RELL1: variants seen among roughly 807,000 people sequenced by gnomAD.
The protein encoded by RELL1 is RELT like 1.
Under a neutral mutation model 23.0 loss-of-function variants are expected in RELL1, and 10 were observed. That is an observed-to-expected ratio of 0.43 (90% CI 0.27 to 0.74). The LOEUF (loss-of-function observed/expected upper bound fraction) is 0.74, where lower values mean the gene tolerates loss of function less well. RELL1 is among the 30% of genes least tolerant of loss of function. RELL1 has a pLI of 0.19. For synonymous variants in RELL1, 146 were observed against 146.8 expected, an observed-to-expected ratio of 0.99 and a Z score of 0.04; for missense variants, 315 against 364.4, an observed-to-expected ratio of 0.86 and a Z score of 1.10.
chr4:37,644,446 A>ATTTT (rs1429115134), intron 3 of RELL1, among the ~76,000 whole-genome samples: 1 of 144,834 alleles, frequency 6.9e-6, no homozygotes, highest in African/African-American at 2.6e-5. Context: ...ATTTTTATTT[A>ATTTT]TTTATTTATT....
intron 1 of RELL1, among the ~76,000 whole-genome samples, chr4:37,669,909 G>T (rs541465883): frequency 1.3e-5 from 2 of 151,632 alleles, no homozygotes; most frequent in South Asian, 4.2e-4. Context: ...GCGGAAGGCC[G>T]CAGGGTCCTC....
chr4:37,589,015 T>C (rs1271724098), downstream of RELL1: 15 of 734,314 alleles, frequency 2.0e-5, no homozygotes, highest in Non-Finnish European at 3.4e-5. Context: ...TGATCAACAT[T>C]GCCAACACAT....
At position 37,612,240 on chromosome 4, in the gene RELL1, C is replaced by CCAAA. The variant is rs1719416046; in HGVS notation, c.*1102_*1105dup. On this transcript the variant is annotated 3_prime_UTR_variant, in exon 7 of 7. Transcript: ENST00000454158. ...TTCTTTTGTTTTGGCCTTGGGTTGT[C>CCAAA]CAAACAAATTTGTGTGTGTGTGACT... Among the ~76,000 whole-genome samples, 1 of 145,890 alleles carries CCAAA rather than the reference C, an allele frequency of 6.9e-6. No individual in the cohort carries two copies. Among genetic ancestry groups the CCAAA allele is most frequent in the South Asian group, 2.2e-4 (1 of 4,540 alleles).
chr4:37,625,798 C>T (rs1010668576), intron 6 of RELL1, among the ~76,000 whole-genome samples: 2 of 152,080 alleles, frequency 1.3e-5, no homozygotes, highest in Non-Finnish European at 2.9e-5. Flanking sequence ...TGATGTAATA[C>T]ATATGTCAAT....
At chr4:37,587,421 AT>A (rs924858546), downstream of RELL1, among the ~76,000 whole-genome samples, 3 of 152,066 alleles carry the variant, frequency 2.0e-5, no homozygotes, top group Non-Finnish European at 4.4e-5. Context: ...TGTGGATTTT[AT>A]TTTTTTAATG....
chr4:37,602,936 G>A (rs1719053579), intron 6 of RELL1, among the ~76,000 whole-genome samples: 1 of 152,198 alleles, frequency 6.6e-6, no homozygotes, highest in African/African-American at 2.4e-5. Flanking sequence ...GCTCCCAGGT[G>A]AGAAAATGGA....
downstream of RELL1, chr4:37,588,984 G>A: frequency 2.0e-6 from 2 of 988,670 alleles, no homozygotes; most frequent in South Asian, 2.7e-5. Flanking sequence ...TGTATTCAGT[G>A]CATTTATCCA....
intron 1 of RELL1, among the ~76,000 whole-genome samples, chr4:37,651,711 T>G (rs1003786505): frequency 8.5e-5 from 13 of 152,104 alleles, no homozygotes; most frequent in Non-Finnish European, 2.9e-5. Flanking sequence ...TGGTGCGCTT[T>G]CCTCACAAAC....
In RELL1 at chr4:37,631,530, G is replaced by A; in HGVS notation, c.681-7C>T. 2 of 1,613,578 alleles carry A rather than the reference G, an allele frequency of 1.2e-6. No homozygotes were observed. The highest frequency in any genetic ancestry group is 1.7e-6 in the Non-Finnish European group (2 of 1,179,822). ...CACTTTTGTAACTCTAAATCTGAGG[G>A]GGGAATGGGGAGAGGTGATGGGGTT... is the stretch of plus-strand genomic sequence containing the variant. On this transcript the variant is annotated splice_region_variant and splice_polypyrimidine_tract_variant and intron_variant, in intron 5 of 6. Transcript: ENST00000454158.
intron 3 of RELL1, among the ~76,000 whole-genome samples, chr4:37,639,457 T>TA (rs1401222974): frequency 6.6e-6 from 1 of 150,856 alleles, no homozygotes; most frequent in Non-Finnish European, 1.5e-5. Context: ...ACGCTAACTT[T>TA]AAAAAATTAG....
At chr4:37,594,883 C>T (rs932553502) in intron 6 of RELL1, among the ~76,000 whole-genome samples, 2 of 152,178 alleles carry the variant, frequency 1.3e-5, no homozygotes, top group Non-Finnish European at 2.9e-5. Flanking sequence ...TCCTGACTTC[C>T]CTGGTTTGGT....
intron 1 of RELL1, among the ~76,000 whole-genome samples, chr4:37,680,931 C>CAAAAAAA (rs397992973): frequency 1.4e-5 from 1 of 73,642 alleles, no homozygotes; most frequent in Non-Finnish European, 2.9e-5. Context: ...CACTCCATCT[C>CAAAAAAA]AAAAAAAAAA....
rs138406061 is a variant in RELL1 at position 37,667,008 on chromosome 4, G to A, written c.89-17508C>T. Among the ~76,000 whole-genome samples, 1,160 of 152,224 alleles carry A rather than the reference G, an allele frequency of 7.6e-3. 19 individuals carry two copies. Among genetic ancestry groups the A allele is most frequent in the South Asian group, 0.026 (126 of 4,826 alleles). On this transcript the variant is annotated intron_variant, in intron 1 of 6. Transcript: ENST00000454158. The stretch of plus-strand genomic sequence containing the variant: ...TGAAGTCCCCTGGTGTGAAGTCCCC[G>A]CTACTGCTGTTAGAGAAAGGGCAAA...
At chr4:37,641,243 A>C (rs1230856677) in intron 3 of RELL1, among the ~76,000 whole-genome samples, 2 of 152,146 alleles carry the variant, frequency 1.3e-5, no homozygotes, top group African/African-American at 4.8e-5. Context: ...ACACACACAC[A>C]CACCCACATG....
intron 6 of RELL1, among the ~76,000 whole-genome samples, chr4:37,613,567 G>T (rs1195705217): frequency 2.6e-5 from 4 of 151,940 alleles, no homozygotes; most frequent in African/African-American, 9.7e-5. Context: ...TCGAGATCTG[G>T]CTGTTTAAAT....
chr4:37,606,118 A>G (rs1719211917), downstream of RELL1, among the ~76,000 whole-genome samples: 1 of 146,582 alleles, frequency 6.8e-6, no homozygotes, highest in African/African-American at 2.6e-5. The surrounding 1 kb of genome is among the most constrained non-coding windows in gnomAD (Gnocchi z 4.1). Context: ...GAGGAGGAGG[A>G]GAAGGAGGAG....
At chr4:37,609,915 T>A (rs1719323759), downstream of RELL1, among the ~76,000 whole-genome samples, 2 of 152,240 alleles carry the variant, frequency 1.3e-5, no homozygotes, top group South Asian at 4.1e-4. Flanking sequence ...ACTGTTGAAA[T>A]GACAGCAAAG....
chr4:37,590,113 C>T (rs1318271153), downstream of RELL1: 14 of 1,613,462 alleles, frequency 8.7e-6, 1 homozygote, highest in South Asian at 3.3e-5. Context: ...AGTTCAAGTG[C>T]CCTCTCCTGG....
rs36064800 is a variant in RELL1, at chr4:37,612,176, C to CAAA, written c.*1167_*1169dup. Among the ~76,000 whole-genome samples the CAAA allele has an allele frequency of 3.7e-5, 2 of 53,774 alleles. No individual in the cohort carries two copies. Among genetic ancestry groups the CAAA allele is most frequent in the African/African-American group, 6.8e-5 (1 of 14,620 alleles). The allele number at this position is 53,774 out of a possible 152,430, so 35.3% of individuals were successfully genotyped here. ...TGGGCGACAGAGCGAGACTCCGCCT[C>CAAA]AAAAAAAAAAAAAAAAAAAAAAAAA... On this transcript the variant is annotated 3_prime_UTR_variant, in exon 7 of 7. Transcript: ENST00000454158.
Sources: gnomAD v4.1 joint callset for allele counts (sites outside exome capture counted in the v4.1 genomes callset) on GRCh38, gnomAD v4.1.1 for gene constraint, Gnocchi (gnomAD v3.1) non-coding constraint, MANE v1.5 for transcripts, NCBI Gene and HGNC (gene_info 2026-07-23, HGNC 2026-07-21) for gene names.